The following DOK5 variants were observed in gnomAD, a reference collection of about 807,000 sequenced individuals.
DOK5 encodes downstream of tyrosine kinase 5.
DOK5 carries 27 observed loss-of-function variants against 43.3 expected under a neutral mutation model. The observed-to-expected ratio is 0.62, with a 90% CI of 0.46 to 0.86. DOK5 has a LOEUF of 0.86. DOK5 is among the 40% of genes least tolerant of loss of function. DOK5 has a pLI of 0.00. For missense variants in DOK5, 373 were observed against 392.9 expected (o/e 0.95, Z 0.43); for synonymous variants, 146 against 140.1 (o/e 1.04, Z -0.30).
intron 1 of DOK5, among the ~76,000 whole-genome samples, chr20:54,537,040 C>T (rs1265875129): frequency 6.6e-6 from 1 of 152,216 alleles, no homozygotes; most frequent in Non-Finnish European, 1.5e-5. Flanking sequence ...GGTAATGAGG[C>T]CACTCCTACT....
At chr20:54,492,782 G>C (rs1188945948) in intron 1 of DOK5, among the ~76,000 whole-genome samples, 2 of 151,732 alleles carry the variant, frequency 1.3e-5, no homozygotes, top group African/African-American at 4.8e-5. Flanking sequence ...GGCCAGGTGC[G>C]GTGGCTCACG....
intron 1 of DOK5, among the ~76,000 whole-genome samples, chr20:54,516,932 A>C (rs797003061): frequency 6.6e-6 from 1 of 152,160 alleles, no homozygotes; most frequent in Admixed American, 6.6e-5. Flanking sequence ...TGTTTCTACA[A>C]ACTGTCTCCT....
At chr20:54,479,311 T>C (rs187742736) in intron 1 of DOK5, among the ~76,000 whole-genome samples, 5 of 152,352 alleles carry the variant, frequency 3.3e-5, no homozygotes, top group African/African-American at 1.2e-4. Flanking sequence ...TCCCCATTGT[T>C]TCCTGGAGGT....
Position 54,554,517 on chromosome 20 carries a change from T to C in DOK5, c.67-416T>C, listed in dbSNP as rs114334836. On this transcript the variant is annotated intron_variant, in intron 1 of 7. Transcript: ENST00000262593. ...ATTATGAGGAATATCACGACAACCATGAGCTGCCAGATTCTAGGATGGGCA... is the reference window on the plus strand; with the variant it reads ...ATTATGAGGAATATCACGACAACCACGAGCTGCCAGATTCTAGGATGGGCA... Among the ~76,000 whole-genome samples the C allele has an allele frequency of 7.7e-3, 1,170 of 152,342 alleles. 11 individuals carry two copies. Among genetic ancestry groups the C allele is most frequent in the African/African-American group, 0.027 (1,110 of 41,592 alleles).
chr20:54,555,222 A>G (rs1047550110), intron 2 of DOK5, 182 bp downstream of exon 2: 8 of 562,186 alleles, frequency 1.4e-5, no homozygotes, highest in Non-Finnish European at 2.2e-5. Context: ...ATGTAAAGTC[A>G]CTTTTCTGGT....
intron 5 of DOK5, among the ~76,000 whole-genome samples, chr20:54,595,123 C>G (rs979094946): frequency 6.6e-6 from 1 of 152,068 alleles, no homozygotes; most frequent in South Asian, 2.1e-4. Flanking sequence ...GGGCAGATCA[C>G]GAGGTCAGGA....
At position 54,485,312 on chromosome 20, in the gene DOK5, C is replaced by T. The variant is rs534589345; in HGVS notation, c.66+9300C>T. On this transcript the variant is annotated intron_variant, in intron 1 of 7. Coordinates refer to ENST00000262593, the MANE Select transcript of DOK5 (RefSeq NM_018431.5). The stretch of plus-strand genomic sequence containing the variant: ...AGGTTGCAGTGAGCTGAGATCGTGC[C>T]ATTGCACTCCAGCCTGGGTGACAAG... Among the ~76,000 whole-genome samples, 234 of 146,650 alleles carry T rather than the reference C, an allele frequency of 1.6e-3. 1 individual carries two copies. The highest frequency in any genetic ancestry group is 2.5e-3 in the Non-Finnish European group (165 of 67,294).
intron 1 of DOK5, among the ~76,000 whole-genome samples, chr20:54,520,533 CTTTGGG>C (rs1475826011): frequency 6.6e-6 from 1 of 152,094 alleles, no homozygotes; most frequent in African/African-American, 2.4e-5. Context: ...AATCCCAGCA[CTTTGGG>C]AGGTGAAGGC....
chr20:54,492,684 CTTTGTGTGTGTG>C (rs1319662479), intron 1 of DOK5, among the ~76,000 whole-genome samples: 1 of 135,248 alleles, frequency 7.4e-6, no homozygotes, highest in Admixed American at 7.1e-5. Context: ...AAGAGTGTGG[CTTTGTGTGTGTG>C]TGTGTGTGTG....
At chr20:54,539,234 G>A (rs1389424378) in intron 1 of DOK5, among the ~76,000 whole-genome samples, 7 of 133,502 alleles carry the variant, frequency 5.2e-5, no homozygotes, top group South Asian at 2.6e-4. Flanking sequence ...AGGTGAGATC[G>A]CACCCCTGCA....
intron 6 of DOK5, among the ~76,000 whole-genome samples, chr20:54,625,684 C>T (rs1445462461): frequency 6.6e-6 from 1 of 152,130 alleles, no homozygotes; most frequent in African/African-American, 2.4e-5. Context: ...CACAACTTGC[C>T]AGGTGAGATA....
chr20:54,520,514 C>T (rs965611372), intron 1 of DOK5, among the ~76,000 whole-genome samples: 1 of 152,166 alleles, frequency 6.6e-6, no homozygotes, highest in African/African-American at 2.4e-5. Flanking sequence ...TAAGGTGGCT[C>T]ATACCCATAA....
intron 6 of DOK5, among the ~76,000 whole-genome samples, chr20:54,640,353 G>A (rs893139021): frequency 1.6e-4 from 24 of 152,202 alleles, no homozygotes; most frequent in Non-Finnish European, 2.9e-4. Context: ...CGGTACATCA[G>A]TGCCACTTGT....
At chr20:54,507,080 T>C (rs1982835066) in intron 1 of DOK5, among the ~76,000 whole-genome samples, 1 of 152,232 alleles carries the variant, frequency 6.6e-6, no homozygotes, top group Non-Finnish European at 1.5e-5. Context: ...AAGGATTCTA[T>C]AAAATCAGTC....
At chr20:54,563,788 T>C (rs1984998509) in intron 2 of DOK5, among the ~76,000 whole-genome samples, 1 of 152,024 alleles carries the variant, frequency 6.6e-6, no homozygotes, top group East Asian at 1.9e-4. Flanking sequence ...CAAAGATCTT[T>C]TAGTTGAACA....
chr20:54,568,158 T>A (rs1014282602), intron 2 of DOK5, among the ~76,000 whole-genome samples: 19 of 152,218 alleles, frequency 1.2e-4, no homozygotes, highest in African/African-American at 4.6e-4. Context: ...TTGTTTTTTG[T>A]TAGCTTAGTT....
Position 54,546,375 on chromosome 20 carries a change from A to G in DOK5, c.67-8558A>G, listed in dbSNP as rs370816337. Among the ~76,000 whole-genome samples the G allele has an allele frequency of 1.9e-4, 29 of 152,344 alleles. No individual in the cohort carries two copies. In the South Asian group the frequency reaches 5.8e-3, roughly 30 times the overall value. On this transcript the variant is annotated intron_variant, in intron 1 of 7. Transcript: ENST00000262593. ...AGCACATGAGAACTGAGGCTAATTC[A>G]GTCAGCACTGTGAGGATATATATCT...
At chr20:54,514,199 G>A (rs761159590) in intron 1 of DOK5, among the ~76,000 whole-genome samples, 2 of 152,204 alleles carry the variant, frequency 1.3e-5, no homozygotes, top group Non-Finnish European at 2.9e-5. Flanking sequence ...CCCCTGGGAT[G>A]TCACATCTTC....
chr20:54,646,740 A>G (rs1979449789), intron 7 of DOK5, among the ~76,000 whole-genome samples: 1 of 152,158 alleles, frequency 6.6e-6, no homozygotes, highest in Non-Finnish European at 1.5e-5. Flanking sequence ...TACCCCTTAG[A>G]AAAAGGAAAT....
Sources: allele counts gnomAD v4.1 joint callset (sites outside exome capture counted in the v4.1 genomes callset), GRCh38; gene constraint gnomAD v4.1.1; transcripts MANE v1.5; gene names NCBI Gene and HGNC (gene_info 2026-07-23, HGNC 2026-07-21).